Variants in EFCAB6 observed in about 807,000 individuals in gnomAD.
EFCAB6 encodes EF-hand calcium-binding domain-containing protein 6.
In EFCAB6, 156 loss-of-function variants were observed where a neutral mutation model predicts 169.8. The ratio of observed to expected loss-of-function variants is 0.92; its 90% confidence interval spans 0.81 to 1.05. The LOEUF (loss-of-function observed/expected upper bound fraction) is 1.05. EFCAB6 is among the 50% of genes least tolerant of loss of function. The pLI is 0.00. For missense variants in EFCAB6, 1,800 were observed against 1,829.1 expected (o/e 0.98, Z 0.29); for synonymous variants, 698 against 676.4 (o/e 1.03, Z -0.50).
At chr22:43,549,609 T>C (rs2048268100) in intron 27 of EFCAB6, among the ~76,000 whole-genome samples, 1 of 152,126 alleles carries the variant, frequency 6.6e-6, no homozygotes, top group Non-Finnish European at 1.5e-5. Flanking sequence ...CAATGTTCAA[T>C]AAATGGACAG....
intron 13 of EFCAB6, among the ~76,000 whole-genome samples, chr22:43,676,680 T>C (rs1279858025): frequency 1.3e-5 from 2 of 152,196 alleles, no homozygotes; most frequent in African/African-American, 2.4e-5. Context: ...CTCCAGAATG[T>C]TGGTAGAAAA....
intron 4 of EFCAB6, among the ~76,000 whole-genome samples, chr22:43,767,237 G>A (rs2061348698): frequency 6.6e-6 from 1 of 152,126 alleles, no homozygotes; most frequent in Admixed American, 6.6e-5. Flanking sequence ...TCCAAAGGAT[G>A]GATTGCTGTT....
intron 28 of EFCAB6, among the ~76,000 whole-genome samples, chr22:43,539,750 G>A (rs181722261): frequency 1.3e-5 from 2 of 152,314 alleles, no homozygotes; most frequent in African/African-American, 2.4e-5. Context: ...TGGAAAATGG[G>A]TATAACTTGC....
chr22:43,794,452 T>A (rs1197987601), intron 2 of EFCAB6, among the ~76,000 whole-genome samples: 1 of 152,250 alleles, frequency 6.6e-6, no homozygotes, highest in African/African-American at 2.4e-5. Flanking sequence ...AATCCTTGGC[T>A]TTTTGTCCAA....
chr22:43,616,323 G>T (rs2053679785), intron 20 of EFCAB6, among the ~76,000 whole-genome samples: 2 of 152,192 alleles, frequency 1.3e-5, no homozygotes, highest in African/African-American at 4.8e-5. Context: ...GAAACATTGG[G>T]GGAACTTCTC....
chr22:43,556,473 C>T (rs1190716965), intron 26 of EFCAB6, among the ~76,000 whole-genome samples: 1 of 152,216 alleles, frequency 6.6e-6, no homozygotes, highest in South Asian at 2.1e-4. Flanking sequence ...TTCCCCACAT[C>T]AAAGCCCACC....
chr22:43,589,319 A>G (rs56319253), intron 24 of EFCAB6, among the ~76,000 whole-genome samples: 2 of 65,860 alleles, frequency 3.0e-5, no homozygotes, highest in African/African-American at 8.9e-5. Context: ...AAAAAAAAAA[A>G]AAGAAGTACA....
intron 7 of EFCAB6, among the ~76,000 whole-genome samples, chr22:43,733,444 C>T (rs1447873666): frequency 1.3e-5 from 2 of 152,170 alleles, no homozygotes; most frequent in East Asian, 1.9e-4. Flanking sequence ...AGATGGGAAA[C>T]ACAACACTCA....
At chr22:43,685,278 T>C (rs757896631) in intron 11 of EFCAB6, among the ~76,000 whole-genome samples, 4 of 151,954 alleles carry the variant, frequency 2.6e-5, no homozygotes, top group African/African-American at 9.7e-5. Context: ...GGTAAAGCAC[T>C]GTGTTGGGCG....
intron 18 of EFCAB6, among the ~76,000 whole-genome samples, chr22:43,634,750 G>A (rs953786306): frequency 1.3e-5 from 2 of 152,088 alleles, no homozygotes; most frequent in African/African-American, 4.8e-5. Context: ...AATAATATTC[G>A]TGTTGCCTGT....
At chr22:43,571,596 C>T (rs953310975) in intron 26 of EFCAB6, among the ~76,000 whole-genome samples, 3 of 152,268 alleles carry the variant, frequency 2.0e-5, no homozygotes, top group South Asian at 4.1e-4. Context: ...CCCCTGCAGC[C>T]GCCCTGGAGG....
rs1382623662 is a variant in EFCAB6 at position 43,559,572 on chromosome 22, T to C, written c.3421-4476A>G. 2.0e-5 allele frequency among the ~76,000 whole-genome samples: 3 copies of C among 152,240 alleles called. No individual in the cohort carries two copies. In the East Asian group the frequency reaches 5.8e-4, roughly 29 times the overall value. Reference sequence around the variant, plus strand: ...AAAGACACATACACATGTATGTTTATTGTGGCACTATTTACAATAGCAAAG... The same window carrying C: ...AAAGACACATACACATGTATGTTTACTGTGGCACTATTTACAATAGCAAAG... On this transcript the variant is annotated intron_variant, in intron 26 of 31. Coordinates refer to ENST00000262726, the MANE Select transcript of EFCAB6 (RefSeq NM_022785.4).
intron 13 of EFCAB6, among the ~76,000 whole-genome samples, chr22:43,674,577 G>A (rs932347831): frequency 3.9e-5 from 6 of 152,318 alleles, no homozygotes; most frequent in Non-Finnish European, 5.9e-5. Flanking sequence ...TTCCCAGAAA[G>A]CCACTGGAAA....
chr22:43,794,301 A>T (rs4823143), intron 2 of EFCAB6, among the ~76,000 whole-genome samples: 95,592 of 152,094 alleles, frequency 0.63, 30,188 homozygotes, highest in Admixed American at 0.68. Context: ...GTGTTATCTC[A>T]TTTAATCATC....
intron 3 of EFCAB6, among the ~76,000 whole-genome samples, chr22:43,776,651 C>A (rs142294669): frequency 1.8e-4 from 28 of 152,136 alleles, no homozygotes; most frequent in African/African-American, 6.7e-4. Context: ...CAGTGAAGAA[C>A]CCCTGAGCAA....
chr22:43,652,471 G>T (rs1293720226), intron 17 of EFCAB6, among the ~76,000 whole-genome samples: 1 of 152,088 alleles, frequency 6.6e-6, no homozygotes, highest in Non-Finnish European at 1.5e-5. Context: ...CGTGAAAACG[G>T]ACTGATACAC....
intron 15 of EFCAB6, among the ~76,000 whole-genome samples, chr22:43,670,105 A>G (rs1042239800): frequency 6.6e-6 from 1 of 152,212 alleles, no homozygotes; most frequent in African/African-American, 2.4e-5. Context: ...TCTCTGCTAG[A>G]GACCTTCAGT....
In EFCAB6 at chr22:43,667,187, G is replaced by A. The variant is rs945478034; in HGVS notation, c.1900C>T (p.Gln634Ter). 1 of 1,614,072 alleles carries A rather than the reference G, an allele frequency of 6.2e-7. No individual in the cohort carries two copies. Among genetic ancestry groups the A allele is most frequent in the South Asian group, 1.1e-5 (1 of 91,054 alleles). Residue 634 changes from glutamine to a stop codon, truncating the protein, a stop_gained, in exon 17 of 32, where the codon CAG becomes TAG. Transcript: ENST00000262726. LOFTEE classifies it high-confidence loss of function. ...VIEKFKKCIQ[Q>*]QDPAFKKRFL... ...CGTTTTTTGAATGCCGGGTCCTGCT[G>A]CTGTATACACTTTTTGAATTTTTCA...
intron 12 of EFCAB6, 168 bp downstream of exon 12, chr22:43,683,579 C>T: frequency 1.7e-6 from 1 of 594,816 alleles, no homozygotes; most frequent in South Asian, 2.2e-5. Flanking sequence ...GAGCTCGGGG[C>T]TTCTATCCCT....
Sources: gnomAD v4.1 joint callset for allele counts (sites outside exome capture counted in the v4.1 genomes callset) on GRCh38, gnomAD v4.1.1 for gene constraint, MANE v1.5 for transcripts, NCBI Gene and HGNC (gene_info 2026-07-23, HGNC 2026-07-21) for gene names.